SRGAP2: variants seen among roughly 807,000 people sequenced by gnomAD.
SRGAP2 encodes SLIT-ROBO Rho GTPase activating protein 2, also known as SLIT-ROBO Rho GTPase-activating protein 2.
SRGAP2 carries 15 observed loss-of-function variants against 57.2 expected under a neutral mutation model. The observed-to-expected ratio is 0.26, with a 90% CI of 0.18 to 0.40. SRGAP2 has a LOEUF of 0.40. SRGAP2 is among the 10% of genes least tolerant of loss of function. The pLI is 1.00. For missense variants in SRGAP2, 520 were observed against 669.6 expected, an observed-to-expected ratio of 0.78 and a Z score of 2.47; for synonymous variants, 249 against 248.0, an observed-to-expected ratio of 1.00 and a Z score of -0.04.
chr1:206,212,494 G>T lies in SRGAP2; in HGVS notation c.67+6457G>T, dbSNP rs1336448409. ...TCCTGATAAATTTTTTAAATTTAAGGTTTTAATATGTGCATTAGCTTGTAT... is the reference window on the plus strand; with the variant it reads ...TCCTGATAAATTTTTTAAATTTAAGTTTTTAATATGTGCATTAGCTTGTAT... On this transcript the variant is annotated intron_variant, in intron 2 of 22. Coordinates refer to ENST00000573034, the MANE Select transcript of SRGAP2 (RefSeq NM_015326.5). Among the ~76,000 whole-genome samples the T allele has an allele frequency of 1.2e-4, 6 of 50,516 alleles. No homozygotes were observed. In the Admixed American group the frequency reaches 1.2e-3, roughly 10 times the overall value. The allele number at this position is 50,516 out of a possible 152,430, so 33.1% of individuals were successfully genotyped here.
rs555547397 is a variant in SRGAP2, at chr1:206,310,244, T to C, written c.260+6771T>C. ...AGAGGAGATAGAACATATGTACAAA[T>C]GCATTTAATACAGGCAAGGTGGTGA... On this transcript the variant is annotated intron_variant, in intron 3 of 22. Coordinates refer to ENST00000573034, the MANE Select transcript of SRGAP2 (RefSeq NM_015326.5). Among the ~76,000 whole-genome samples, 8 of 151,256 alleles carry C rather than the reference T, an allele frequency of 5.3e-5. No homozygotes were observed. In the South Asian group the frequency reaches 1.0e-3, roughly 20 times the overall value.
chr1:206,259,809 G>A (rs1199846586), intron 2 of SRGAP2, among the ~76,000 whole-genome samples: 2 of 139,440 alleles, frequency 1.4e-5, no homozygotes, highest in South Asian at 2.3e-4. Context: ...ATTAAATATT[G>A]TGGGTTCTTT....
intron 2 of SRGAP2, among the ~76,000 whole-genome samples, chr1:206,286,790 G>T (rs1671050883): frequency 6.7e-6 from 1 of 149,982 alleles, no homozygotes; most frequent in African/African-American, 2.5e-5. Context: ...ATATGCAAAG[G>T]CCCTGAGGTG....
At chr1:206,424,624 C>T (rs1342617056) in intron 13 of SRGAP2, among the ~76,000 whole-genome samples, 1 of 152,222 alleles carries the variant, frequency 6.6e-6, no homozygotes, top group Non-Finnish European at 1.5e-5. Context: ...CATTGTACTC[C>T]AGCCTGGGTG....
chr1:206,440,681 G>C (rs2103335460), intron 17 of SRGAP2, among the ~76,000 whole-genome samples: 1 of 151,966 alleles, frequency 6.6e-6, no homozygotes, highest in South Asian at 2.1e-4. Flanking sequence ...CTGAGTAGCT[G>C]GGACCCAGGC....
chr1:206,459,763 G>T (rs1553379822), intron 22 of SRGAP2, among the ~76,000 whole-genome samples: 2 of 152,218 alleles, frequency 1.3e-5, no homozygotes, highest in African/African-American at 2.4e-5. Flanking sequence ...GGTGATAGAG[G>T]CTGGGCATGG....
At chr1:206,332,155 G>A (rs1171911581) in intron 3 of SRGAP2, among the ~76,000 whole-genome samples, 8 of 104,754 alleles carry the variant, frequency 7.6e-5, no homozygotes, top group African/African-American at 1.6e-4. Flanking sequence ...CTTCTGGCTT[G>A]TAGGGTTTCT....
intron 7 of SRGAP2, among the ~76,000 whole-genome samples, chr1:206,398,295 A>T (rs1464137655): frequency 1.3e-5 from 2 of 152,076 alleles, no homozygotes; most frequent in Non-Finnish European, 2.9e-5. Context: ...TTCTTCGCTG[A>T]AGGCTCGGTT....
At chr1:206,387,209 A>G (rs1656392850) in intron 5 of SRGAP2, among the ~76,000 whole-genome samples, 1 of 150,990 alleles carries the variant, frequency 6.6e-6, no homozygotes, top group South Asian at 2.1e-4. Flanking sequence ...GACTGGTCTG[A>G]ATAAGGCACC....
chr1:206,341,198 A>G (rs1675159526), intron 3 of SRGAP2, among the ~76,000 whole-genome samples: 1 of 152,250 alleles, frequency 6.6e-6, no homozygotes, highest in African/African-American at 2.4e-5. Flanking sequence ...ATGGTTTACA[A>G]ATCACAAGTG....
chr1:206,358,367 G>C (rs1326783676), intron 4 of SRGAP2, among the ~76,000 whole-genome samples: 32 of 148,992 alleles, frequency 2.1e-4, no homozygotes, highest in African/African-American at 7.9e-4. Flanking sequence ...GCCCAGCTAG[G>C]GTGGTCTTTG....
intron 3 of SRGAP2, among the ~76,000 whole-genome samples, chr1:206,326,392 G>A (rs201602455): frequency 2.6e-5 from 4 of 151,754 alleles, no homozygotes; most frequent in African/African-American, 9.7e-5. Context: ...TTCAGGCGCC[G>A]TTAGGCAGCA....
chr1:206,314,104 T>TG lies in SRGAP2; in HGVS notation c.260+10632dup, dbSNP rs782525724. Among the ~76,000 whole-genome samples, 547 of 132,086 alleles carry TG rather than the reference T, an allele frequency of 4.1e-3. 3 individuals carry two copies. The highest frequency in any genetic ancestry group is 0.013 in the African/African-American group (459 of 34,614). 86.7% of individuals were successfully genotyped at this position (132,086 alleles called of 152,430 possible). On this transcript the variant is annotated intron_variant, in intron 3 of 22. Coordinates refer to ENST00000573034, the MANE Select transcript of SRGAP2 (RefSeq NM_015326.5). ...TAGAGAGGGGCTTTTTTGTTTTTTT[T>TG]GTTTTTTTTTTTTTGTTGTTGTTGT...
At chr1:206,435,591 T>A (rs1364056184) in intron 14 of SRGAP2, among the ~76,000 whole-genome samples, 3 of 152,192 alleles carry the variant, frequency 2.0e-5, no homozygotes, top group African/African-American at 4.8e-5. Flanking sequence ...CCAATGTGGT[T>A]CCAGCCTCTG....
intron 4 of SRGAP2, among the ~76,000 whole-genome samples, chr1:206,374,267 C>T (rs1189842118): frequency 2.6e-5 from 4 of 151,322 alleles, no homozygotes; most frequent in African/African-American, 4.9e-5. Context: ...CCGCCCGCTT[C>T]GGCCTCCCAA....
At chr1:206,425,682 G>A (rs999164726) in intron 13 of SRGAP2, among the ~76,000 whole-genome samples, 3 of 150,218 alleles carry the variant, frequency 2.0e-5, no homozygotes, top group East Asian at 2.0e-4. Flanking sequence ...TTACAGGCGC[G>A]CACCACAACG....
At chr1:206,450,655 G>A (rs372343574) in intron 19 of SRGAP2, among the ~76,000 whole-genome samples, 190 bp downstream of exon 19, 9 of 152,198 alleles carry the variant, frequency 5.9e-5, no homozygotes, top group African/African-American at 9.6e-5. Context: ...AGAATCGCTC[G>A]TATTAAACCA....
chr1:206,360,699 A>G (rs1470871264), intron 4 of SRGAP2, among the ~76,000 whole-genome samples: 2 of 152,318 alleles, frequency 1.3e-5, no homozygotes, highest in African/African-American at 4.8e-5. Context: ...GGCCTGAACA[A>G]TTCGAAGTTG....
intron 4 of SRGAP2, among the ~76,000 whole-genome samples, chr1:206,365,252 G>T (rs1420838042): frequency 4.9e-5 from 7 of 142,714 alleles, no homozygotes; most frequent in Admixed American, 2.1e-4. Context: ...GGCGAGAGGA[G>T]AAAGAGTTAA....
Sources: allele counts gnomAD v4.1 joint callset (sites outside exome capture counted in the v4.1 genomes callset), GRCh38; gene constraint gnomAD v4.1.1; transcripts MANE v1.5; gene names NCBI Gene and HGNC (gene_info 2026-07-23, HGNC 2026-07-21).